Variants in VWCE observed in about 807,000 individuals in gnomAD.
VWCE encodes von Willebrand factor C and EGF domains.
A neutral mutation model predicts 102.9 loss-of-function variants in VWCE; 68 were observed. The ratio of observed to expected loss-of-function variants is 0.66; its 90% confidence interval spans 0.54 to 0.81. The LOEUF is 0.81. VWCE is among the 30% of genes least tolerant of loss of function. The probability of loss-of-function intolerance (pLI) is 0.00; values close to 1 mark genes in which losing one functional copy is unlikely to be tolerated. For missense variants in VWCE, 1,137 were observed against 1,263.6 expected (o/e 0.90, Z 1.52); for synonymous variants, 497 against 515.4 (o/e 0.96, Z 0.48).
At chr11:61,275,275 T>C (rs1590632439) in intron 11 of VWCE, among the ~76,000 whole-genome samples, 1 of 152,102 alleles carries the variant, frequency 6.6e-6, no homozygotes, top group Non-Finnish European at 1.5e-5. Context: ...GAAGATCCAC[T>C]CCAGCGAAAA....
intron 11 of VWCE, among the ~76,000 whole-genome samples, chr11:61,275,106 C>T (rs1854862671): frequency 6.6e-6 from 1 of 152,008 alleles, no homozygotes; most frequent in African/African-American, 2.4e-5. Context: ...AGATGAGGTC[C>T]TCAGCCAAAA....
At chr11:61,288,053 G>T (rs1855388735) in intron 4 of VWCE, among the ~76,000 whole-genome samples, 2 of 151,164 alleles carry the variant, frequency 1.3e-5, no homozygotes, top group Admixed American at 6.6e-5. Flanking sequence ...AGCTACTTGG[G>T]AGGCTGAGGC....
chr11:61,271,830 C>T, intron 13 of VWCE, 70 bp from the exon 14 acceptor site: 2 of 1,363,634 alleles, frequency 1.5e-6, no homozygotes, highest in Non-Finnish European at 2.1e-6. Flanking sequence ...GGACAGATGC[C>T]TCATGCGCAC....
At chr11:61,287,580 G>A (rs545740806) in intron 4 of VWCE, among the ~76,000 whole-genome samples, 29 of 152,344 alleles carry the variant, frequency 1.9e-4, no homozygotes, top group African/African-American at 7.0e-4. Flanking sequence ...GATGTTCACG[G>A]TCTGATAACA....
chr11:61,276,626 G>A lies in VWCE; in HGVS notation c.1462C>T (p.Pro488Ser). Residue 488 changes from proline to serine, a missense_variant, in exon 11 of 20, where the codon CCC becomes TCC. Transcript: ENST00000335613. ...PECPSGPCQT[P>S]PQTDCCTCVP... ...CAAGTACAGCAATCCGTCTGTGGGG[G>A]GGTCTGACAGGGGCCAGAAGGACAC... 6.2e-7 allele frequency: 1 copy of A among 1,606,918 alleles called. No homozygotes were observed. The highest frequency in any genetic ancestry group is 8.5e-7 in the Non-Finnish European group (1 of 1,176,572).
rs1413765571 is a variant in VWCE at position 61,294,971 on chromosome 11, C to T, written c.67G>A (p.Gly23Ser). The change falls in exon 1 of 20, where the codon GGC becomes AGC. Residue 23 changes from glycine (G) to serine (S), a missense_variant. Around this residue, in one of 5 missense-constraint regions of VWCE, gnomAD observed 575 missense variants for 625.9 expected, o/e 0.92. Coordinates refer to ENST00000335613, the MANE Select transcript of VWCE (RefSeq NM_152718.2). The surrounding 1 kb of genome is among the most constrained non-coding windows in gnomAD (Gnocchi z 6.3). Reference sequence around the variant, plus strand: ...CCGGGCGGCTTCCTCCCGGTGTAGCCTCGGGCTGGTGCCCCCGGCAGCAGG... The same window carrying T: ...CCGGGCGGCTTCCTCCCGGTGTAGCTTCGGGCTGGTGCCCCCGGCAGCAGG... ...ALLLPGAPAR[G>S]YTGRKPPGHF... The T allele has an allele frequency of 2.0e-6, 3 of 1,471,548 alleles. No homozygotes were observed. Among genetic ancestry groups the T allele is most frequent in the African/African-American group, 1.5e-5 (1 of 68,316 alleles). 91.2% of individuals were successfully genotyped at this position (1,471,548 alleles called of 1,614,324 possible).
chr11:61,259,708 C>T (rs1183829085), intron 19 of VWCE, among the ~76,000 whole-genome samples: 2 of 152,078 alleles, frequency 1.3e-5, no homozygotes, highest in African/African-American at 2.4e-5. Flanking sequence ...AAACATGCCA[C>T]GCTGGTATGG....
Position 61,258,806 on chromosome 11 carries a change from T to TG in VWCE, c.2736dup (p.Ile913HisfsTer15). 3 of 1,503,448 alleles carry TG rather than the reference T, an allele frequency of 2.0e-6. No individual in the cohort carries two copies. Among genetic ancestry groups the TG allele is most frequent in the Non-Finnish European group, 2.7e-6 (3 of 1,127,768 alleles). The allele number at this position is 1,503,448 out of a possible 1,614,324, so 93.1% of individuals were successfully genotyped here. On this transcript the variant is annotated frameshift_variant, in exon 20 of 20. Transcript: ENST00000335613. LOFTEE classifies it low-confidence loss of function (END_TRUNC). Reference sequence around the variant, plus strand: ...AGCACGCGAGGCCCGAGGAGGGTGATGGGGGTCTTCGAGGGGCTGGGGTCC... The same window carrying TG: ...AGCACGCGAGGCCCGAGGAGGGTGATGGGGGGTCTTCGAGGGGCTGGGGTCC...
In VWCE at chr11:61,282,878, CAG is replaced by C. The variant is rs1275469767; in HGVS notation, c.567_568del (p.Cys190SerfsTer5). 6.2e-7 allele frequency: 1 copy of C among 1,614,190 alleles called. No individual in the cohort carries two copies. Among genetic ancestry groups the C allele is most frequent in the East Asian group, 2.2e-5 (1 of 44,886 alleles). On this transcript the variant is annotated frameshift_variant, in exon 6 of 20. Coordinates refer to ENST00000335613, the MANE Select transcript of VWCE (RefSeq NM_152718.2). LOFTEE classifies it high-confidence loss of function. ...AATGCTGTTTTTACATCTCTGCTGA[CAG>C]GGAGTCCCTAGGCATTCGTCAGTGT...
At chr11:61,281,758 C>A in intron 7 of VWCE, 28 bp downstream of exon 7, 2 of 1,590,724 alleles carry the variant, frequency 1.3e-6, no homozygotes, top group Non-Finnish European at 1.7e-6. Context: ...CGTGGCCAGC[C>A]GCCGGGATGG....
intron 10 of VWCE, among the ~76,000 whole-genome samples, chr11:61,276,891 G>C (rs772378126): frequency 1.5e-5 from 2 of 136,034 alleles, no homozygotes; most frequent in African/African-American, 2.8e-5. Flanking sequence ...ATGGGGGGAG[G>C]GGGAGGGAGA....
At chr11:61,263,434 A>G (rs986794913) in intron 19 of VWCE, among the ~76,000 whole-genome samples, 6 of 152,242 alleles carry the variant, frequency 3.9e-5, no homozygotes, top group African/African-American at 1.4e-4. Flanking sequence ...GTGGAATCTA[A>G]AAAGGTTGAA....
At chr11:61,278,740 G>C (rs574553900) in intron 9 of VWCE, among the ~76,000 whole-genome samples, 2 of 152,244 alleles carry the variant, frequency 1.3e-5, no homozygotes, top group South Asian at 2.1e-4. Context: ...AGGAAAGGCA[G>C]CCTGGTTTCA....
intron 9 of VWCE, among the ~76,000 whole-genome samples, chr11:61,279,098 C>T (rs1427911821): frequency 6.6e-6 from 1 of 151,958 alleles, no homozygotes; most frequent in Admixed American, 6.6e-5. Flanking sequence ...CGTTAACCAG[C>T]GTGTCCCTGG....
intron 16 of VWCE, 146 bp downstream of exon 16, chr11:61,267,316 G>T: frequency 1.3e-6 from 1 of 767,150 alleles, no homozygotes; most frequent in Non-Finnish European, 2.2e-6. Context: ...GTCACCCTGG[G>T]CAGGACTGGA....
chr11:61,269,773 A>G (rs1399751310), intron 14 of VWCE, among the ~76,000 whole-genome samples: 1 of 151,868 alleles, frequency 6.6e-6, no homozygotes, highest in East Asian at 1.9e-4. Context: ...AAAAAACACA[A>G]AAACAATCTG....
chr11:61,294,994 A>C lies in VWCE; in HGVS notation c.44T>G (p.Leu15Arg). ...GCCTCGGGCTGGTGCCCCCGGCAGC[A>C]GGAGCGCGACACAGGCGGCCCGAAG... Reference protein sequence around the residue: ...LLLRAACVALLLPGAPARGYT... With the variant: ...LLLRAACVALRLPGAPARGYT... The change falls in exon 1 of 20, where the codon CTG becomes CGG. Residue 15 changes from leucine to arginine, a missense_variant. Leu to Arg is a moderately radical substitution (Grantham distance 102). This residue lies in a region of VWCE where 575 missense variants were observed against 625.9 expected (regional missense o/e 0.92). Coordinates refer to ENST00000335613, the MANE Select transcript of VWCE (RefSeq NM_152718.2). This position sits in a 1 kb window ranked among gnomAD's most constrained non-coding sequence, Gnocchi z 6.3. The C allele has an allele frequency of 1.4e-6, 2 of 1,475,360 alleles. No homozygotes were observed. The highest frequency in any genetic ancestry group is 1.8e-6 in the Non-Finnish European group (2 of 1,114,800). 91.4% of individuals were successfully genotyped at this position (1,475,360 alleles called of 1,614,324 possible). A position where few individuals can be genotyped will look rare whatever the true frequency, so the allele number is the denominator to read the frequency against.
At chr11:61,271,147 T>C (rs1158389322) in intron 14 of VWCE, 4 of 155,568 alleles carry the variant, frequency 2.6e-5, no homozygotes, top group Non-Finnish European at 5.6e-5. Context: ...CATACACACT[T>C]TTTTTTTCTT....
At chr11:61,279,055 C>A (rs1424748702) in intron 9 of VWCE, among the ~76,000 whole-genome samples, 2 of 149,976 alleles carry the variant, frequency 1.3e-5, no homozygotes, top group African/African-American at 4.9e-5. Flanking sequence ...AACAAAAAAA[C>A]AAAAACAAAA....
Sources: allele counts gnomAD v4.1 joint callset (sites outside exome capture counted in the v4.1 genomes callset), GRCh38; gene constraint gnomAD v4.1.1; regional missense constraint gnomAD v4.1.1; non-coding constraint Gnocchi (gnomAD v3.1); transcripts MANE v1.5; gene names NCBI Gene and HGNC (gene_info 2026-07-23, HGNC 2026-07-21).